XRCC2: variants seen among roughly 807,000 people sequenced by gnomAD.
XRCC2 encodes the protein X-ray repair cross complementing 2.
XRCC2 carries 24 observed loss-of-function variants against 27.3 expected under a neutral mutation model. The observed-to-expected ratio is 0.88, with a 90% confidence interval of 0.64 to 1.24. XRCC2 has a LOEUF of 1.24. Ranked by LOEUF, XRCC2 falls within the 50% of genes most tolerant of loss-of-function variation. The pLI, the probability that XRCC2 is intolerant of heterozygous loss-of-function variation, is 0.00. For missense variants in XRCC2, 321 were observed against 325.8 expected, an observed-to-expected ratio of 0.99 and a Z score of 0.11; for synonymous variants, 106 against 115.4, an observed-to-expected ratio of 0.92 and a Z score of 0.52.
At chr7:152,672,270 G>GTT (rs1000497285) in intron 1 of XRCC2, among the ~76,000 whole-genome samples, 22 of 152,092 alleles carry the variant, frequency 1.4e-4, no homozygotes, top group Non-Finnish European at 5.9e-5. Flanking sequence ...AAGACAAAAG[G>GTT]TGATAAGCAT....
At chr7:152,658,144 C>A (rs1481299728) in intron 2 of XRCC2, among the ~76,000 whole-genome samples, 1 of 148,118 alleles carries the variant, frequency 6.8e-6, no homozygotes, top group East Asian at 2.0e-4. Flanking sequence ...TTTTCTTTTT[C>A]TTTTTCTTTT....
At chr7:152,667,611 C>T (rs976772649) in intron 1 of XRCC2, among the ~76,000 whole-genome samples, 3 of 144,656 alleles carry the variant, frequency 2.1e-5, no homozygotes, top group Non-Finnish European at 4.7e-5. Flanking sequence ...CGTTTTACAA[C>T]GTCAAAGCAG....
chr7:152,648,413 GAAAA>G lies in XRCC2; in HGVS notation c.*225_*228del, dbSNP rs10707642. 2.7e-4 allele frequency: 70 copies of G among 260,578 alleles called. No individual in the cohort carries two copies. The highest frequency in any genetic ancestry group is 3.8e-4 in the Non-Finnish European group (55 of 143,462). 16.1% of individuals were successfully genotyped at this position (260,578 alleles called of 1,614,324 possible). ...AGACAGAGTAAGACTGTTTCAAAAA[GAAAA>G]AAAAAAAAAAAGAAAACTTTTGGCC... On this transcript the variant is annotated 3_prime_UTR_variant, in exon 3 of 3. Coordinates refer to ENST00000359321, the MANE Select transcript of XRCC2 (RefSeq NM_005431.2).
In XRCC2 at chr7:152,647,595, A is replaced by C. The variant is rs897080443; in HGVS notation, c.*1047T>G. On this transcript the variant is annotated 3_prime_UTR_variant, in exon 3 of 3. Coordinates refer to ENST00000359321, the MANE Select transcript of XRCC2 (RefSeq NM_005431.2). ...TGTATATGGCATAAGGAAGGCGTCCATTTTCAATCTTTTCCATATGGCTGG... is the reference window on the plus strand; with the variant it reads ...TGTATATGGCATAAGGAAGGCGTCCCTTTTCAATCTTTTCCATATGGCTGG... 6.6e-6 allele frequency: 1 copy of C among 152,158 alleles called. No individual in the cohort carries two copies. The highest frequency in any genetic ancestry group is 1.5e-5 in the Non-Finnish European group (1 of 68,032). The allele number at this position is 152,158 out of a possible 1,614,324, so 9.4% of individuals were successfully genotyped here.
Position 152,649,223 on chromosome 7 carries a change from C to CA in XRCC2, c.261dup (p.Asp88Ter). On this transcript the variant is annotated frameshift_variant, in exon 3 of 3. Coordinates refer to ENST00000359321, the MANE Select transcript of XRCC2 (RefSeq NM_005431.2). LOFTEE classifies it high-confidence loss of function. ...AGAATTGTAACTAGCCGGAGCATAT[C>CA]AAAGTGGTAATCTGTATCAATAAAT... 2.5e-6 allele frequency: 4 copies of CA among 1,613,878 alleles called. No homozygotes were observed. The highest frequency in any genetic ancestry group is 3.4e-6 in the Non-Finnish European group (4 of 1,180,022).
At chr7:152,673,542 A>T (rs1311827412) in intron 1 of XRCC2, among the ~76,000 whole-genome samples, 2 of 152,048 alleles carry the variant, frequency 1.3e-5, no homozygotes, top group Admixed American at 6.6e-5. Context: ...CACAAGAAAG[A>T]TTAACTATTT....
intron 1 of XRCC2, among the ~76,000 whole-genome samples, chr7:152,661,413 T>C (rs973237587): frequency 4.6e-5 from 7 of 152,262 alleles, no homozygotes; most frequent in Non-Finnish European, 1.0e-4. Flanking sequence ...CTGCCTTCAT[T>C]TGTCTGCCCC....
rs2098025205 is a variant in XRCC2, at chr7:152,645,140, C to T, written c.*3502G>A. The T allele has an allele frequency of 6.6e-6, 1 of 151,992 alleles. No homozygotes were observed. The highest frequency in any genetic ancestry group is 2.4e-5 in the African/African-American group (1 of 41,406). 9.4% of individuals were successfully genotyped at this position (151,992 alleles called of 1,614,324 possible). ...TTCTAAATGGGAAAAGGGTTAAACT[C>T]TGCTTCTTACAATAAAGCTTTGTAA... On this transcript the variant is annotated 3_prime_UTR_variant, in exon 3 of 3. Transcript: ENST00000359321.
At chr7:152,651,246 A>C (rs758525618) in intron 2 of XRCC2, among the ~76,000 whole-genome samples, 5 of 151,924 alleles carry the variant, frequency 3.3e-5, no homozygotes, top group Non-Finnish European at 7.4e-5. Flanking sequence ...GGCCTTTCTT[A>C]TTATTATCAA....
chr7:152,663,346 TAAAA>T (rs530664762), intron 1 of XRCC2, among the ~76,000 whole-genome samples: 17 of 80,912 alleles, frequency 2.1e-4, no homozygotes, highest in African/African-American at 4.0e-4. Context: ...GTCTTTGAAG[TAAAA>T]AAAAAAAAAA....
Position 152,648,849 on chromosome 7 carries a change from G to C in XRCC2, c.636C>G (p.Ala212=), listed in dbSNP as rs147486648. ...ASSSSEEPSH[A]SRRLCDVDID... ...TGTCCACATCACACAGTCGTCGAGA[G>C]GCATGAGAAGGTTCTTCTGATGAGC... The change falls in exon 3 of 3, where the codon GCC becomes GCG. Residue 212 remains alanine (A), a synonymous_variant. Coordinates refer to ENST00000359321, the MANE Select transcript of XRCC2 (RefSeq NM_005431.2). 3 of 1,613,654 alleles carry C rather than the reference G, an allele frequency of 1.9e-6. No individual in the cohort carries two copies. In the African/African-American group the frequency reaches 4.0e-5, roughly 22 times the overall value.
intron 2 of XRCC2, 41 bp downstream of exon 2, chr7:152,660,660 T>A (rs1418597185): frequency 1.3e-6 from 2 of 1,544,950 alleles, no homozygotes; most frequent in East Asian, 2.2e-5. Context: ...AATCCTTTTA[T>A]AAAGATTTGC....
At chr7:152,663,628 C>A (rs943414415) in intron 1 of XRCC2, among the ~76,000 whole-genome samples, 3 of 152,078 alleles carry the variant, frequency 2.0e-5, no homozygotes, top group African/African-American at 7.2e-5. Context: ...CGCTTGAGCC[C>A]GGGAGTTTAA....
At chr7:152,668,641 A>G (rs2098036933) in intron 1 of XRCC2, among the ~76,000 whole-genome samples, 1 of 152,220 alleles carries the variant, frequency 6.6e-6, no homozygotes, top group African/African-American at 2.4e-5. Flanking sequence ...AGCCATTATG[A>G]CAAACTGTTT....
At chr7:152,675,328 G>A (rs2098040438) in intron 1 of XRCC2, among the ~76,000 whole-genome samples, 3 of 152,138 alleles carry the variant, frequency 2.0e-5, no homozygotes, top group South Asian at 2.1e-4. Flanking sequence ...CCCCTCTAAT[G>A]GACAACAAAC....
chr7:152,654,894 TG>T (rs1476623054), intron 2 of XRCC2, among the ~76,000 whole-genome samples: 3 of 152,234 alleles, frequency 2.0e-5, no homozygotes, highest in Admixed American at 1.3e-4. Context: ...CTCACAAATA[TG>T]TTTAATGATG....
rs542411586 is a variant in XRCC2, at chr7:152,648,876, C to G, written c.609G>C (p.Ser203=). ...CATGAGAAGGTTCTTCTGATGAGCT[C>G]GAGGCTTTCTGCATTATAGTTTGTG... ...ATTQTIMQKA[S]SSSEEPSHAS... Residue 203 remains serine (S), a synonymous_variant, in exon 3 of 3, where the codon TCG becomes TCC. Coordinates refer to ENST00000359321, the MANE Select transcript of XRCC2 (RefSeq NM_005431.2). 2.5e-6 allele frequency: 4 copies of G among 1,613,986 alleles called. No homozygotes were observed. The South Asian group carries it at 4.4e-5, about 18-fold the overall frequency.
At chr7:152,670,472 T>C (rs959551710) in intron 1 of XRCC2, among the ~76,000 whole-genome samples, 17 of 152,184 alleles carry the variant, frequency 1.1e-4, no homozygotes, top group East Asian at 3.8e-4. Context: ...GTTTGGATAA[T>C]TGATGCAAAC....
chr7:152,671,276 A>G (rs1563034130), intron 1 of XRCC2, among the ~76,000 whole-genome samples: 1 of 152,212 alleles, frequency 6.6e-6, no homozygotes, highest in African/African-American at 2.4e-5. Context: ...AAGCGTAAGA[A>G]TAGTACAGTG....
Sources: gnomAD v4.1 joint callset for allele counts (sites outside exome capture counted in the v4.1 genomes callset) on GRCh38, gnomAD v4.1.1 for gene constraint, MANE v1.5 for transcripts, NCBI Gene and HGNC (gene_info 2026-07-23, HGNC 2026-07-21) for gene names.